RPS29: variants seen among roughly 807,000 people sequenced by gnomAD.
The protein encoded by RPS29 is small ribosomal subunit protein uS14.
For missense variants in RPS29, 60 were observed against 75.7 expected (o/e 0.79, Z 0.77); for synonymous variants, 37 against 26.9 (o/e 1.37, Z -1.16).
At chr14:49,598,167 G>A (rs1029612079) in intron 1 of RPS29, 4 of 513,216 alleles carry the variant, frequency 7.8e-6, no homozygotes, top group Non-Finnish European at 1.4e-5. Flanking sequence ...ATACGGCTAG[G>A]ATTAGGTTAA....
chr14:49,584,486 A>G (rs191805800), intron 2 of RPS29, among the ~76,000 whole-genome samples: 1 of 152,214 alleles, frequency 6.6e-6, no homozygotes, highest in Non-Finnish European at 1.5e-5. Flanking sequence ...TACAACAGAC[A>G]GGGCGCCGTG....
At chr14:49,579,634 T>C (rs745549902), downstream of RPS29, among the ~76,000 whole-genome samples, 1 of 152,238 alleles carries the variant, frequency 6.6e-6, no homozygotes, top group Non-Finnish European at 1.5e-5. Context: ...TCAACACTTA[T>C]TGAGCTTTTA....
At chr14:49,583,707 A>G (rs1566480229) in intron 2 of RPS29, 32 bp from the exon 3 acceptor site, 1 of 1,254,180 alleles carries the variant, frequency 8.0e-7, no homozygotes, top group Non-Finnish European at 1.2e-6. Context: ...ATTTATTTCA[A>G]AATGCTTTAA....
At chr14:49,592,207 T>C (rs1881727663) in intron 1 of RPS29, 1 of 151,994 alleles carries the variant, frequency 6.6e-6, no homozygotes, top group Admixed American at 6.6e-5. Context: ...TATTTTTCCA[T>C]GCAAAAAGTT....
intron 2 of RPS29, among the ~76,000 whole-genome samples, chr14:49,584,107 GAGT>G (rs1881432469): frequency 6.6e-6 from 1 of 152,144 alleles, no homozygotes; most frequent in Non-Finnish European, 1.5e-5. Flanking sequence ...TCAACCTCCT[GAGT>G]AGCTGAGACC....
downstream of RPS29, among the ~76,000 whole-genome samples, chr14:49,579,899 G>C (rs1881288559): frequency 6.6e-6 from 1 of 152,144 alleles, no homozygotes; most frequent in African/African-American, 2.4e-5. Flanking sequence ...GGGAGACCTT[G>C]GGGAAATTAC....
intron 2 of RPS29, among the ~76,000 whole-genome samples, chr14:49,578,167 T>C (rs1594567346): frequency 6.6e-6 from 1 of 152,016 alleles, no homozygotes; most frequent in Admixed American, 6.6e-5. Context: ...ACAGAATTAA[T>C]ATCAATGAGT....
upstream of RPS29, chr14:49,586,436 G>C: frequency 8.6e-7 from 1 of 1,158,014 alleles, no homozygotes; most frequent in South Asian, 1.2e-5. Flanking sequence ...CCAGAATGCA[G>C]TGCTCAAAGG....
chr14:49,585,877 G>C, intron 2 of RPS29, 73 bp downstream of exon 2: 1 of 1,160,192 alleles, frequency 8.6e-7, no homozygotes. Flanking sequence ...CTGTCCGTTT[G>C]TCTTTCGCGG....
chr14:49,583,478 C>T (rs1241400707), downstream of RPS29: 46 of 536,860 alleles, frequency 8.6e-5, no homozygotes, highest in Non-Finnish European at 3.2e-5. Context: ...TGCACTCCAG[C>T]CTGGCGACAG....
At chr14:49,591,414 C>T (rs749181501) in intron 1 of RPS29, among the ~76,000 whole-genome samples, 3 of 151,886 alleles carry the variant, frequency 2.0e-5, no homozygotes, top group Admixed American at 6.6e-5. Context: ...CCGGCTCAAG[C>T]GATTCTCCTG....
chr14:49,576,521 C>G (rs1222908649), exon 3 of RPS29: 1 of 152,162 alleles, frequency 6.6e-6, no homozygotes, highest in Admixed American at 6.6e-5. Context: ...CCCTAATACA[C>G]CAATTACCAT....
At chr14:49,585,583 TAAAA>T (rs71441227) in intron 2 of RPS29, 4 of 286,766 alleles carry the variant, frequency 1.4e-5, no homozygotes, top group East Asian at 5.6e-5. Context: ...ACCCTATCTC[TAAAA>T]AAAAAAAAAA....
chr14:49,596,327 C>T (rs1268230336), intron 1 of RPS29, among the ~76,000 whole-genome samples: 1 of 152,034 alleles, frequency 6.6e-6, no homozygotes, highest in Non-Finnish European at 1.5e-5. Context: ...TTTTTAACTC[C>T]TTATGTATTT....
chr14:49,581,550 C>T (rs1881333933), downstream of RPS29, among the ~76,000 whole-genome samples: 1 of 152,186 alleles, frequency 6.6e-6, no homozygotes. Flanking sequence ...AGTGCAGTGG[C>T]ACAAGCCTCC....
intron 2 of RPS29, among the ~76,000 whole-genome samples, chr14:49,584,850 G>A (rs1881467066): frequency 2.6e-5 from 4 of 151,266 alleles, no homozygotes; most frequent in Admixed American, 2.6e-4. Flanking sequence ...TTATCTCAAA[G>A]AGCCAATAAT....
rs749973930 is a variant in RPS29, at chr14:49,586,366, C to T, written c.-20G>A. 2 of 1,612,596 alleles carry T rather than the reference C, an allele frequency of 1.2e-6. No homozygotes were observed. The highest frequency in any genetic ancestry group is 2.2e-5 in the East Asian group (1 of 44,896). Reference sequence around the variant, plus strand: ...ACCCATCTTGCTCTCAGCAGTGCAACGAGGTAAAAGGAAGAAGCTGGCCCA... The same window carrying T: ...ACCCATCTTGCTCTCAGCAGTGCAATGAGGTAAAAGGAAGAAGCTGGCCCA... On this transcript the variant is annotated 5_prime_UTR_variant, in exon 1 of 3. Transcript: ENST00000245458.
At chr14:49,592,047 C>T (rs990008308) in intron 1 of RPS29, among the ~76,000 whole-genome samples, 6 of 152,144 alleles carry the variant, frequency 3.9e-5, no homozygotes, top group African/African-American at 1.4e-4. Context: ...GTCCACAGCC[C>T]AATTTTTTTA....
chr14:49,591,282 GT>G (rs1394280535), upstream of RPS29, among the ~76,000 whole-genome samples: 15 of 109,608 alleles, frequency 1.4e-4, no homozygotes, highest in African/African-American at 4.4e-4. Context: ...GTTTTTAGAG[GT>G]TTTCTGTTTG....
Sources: allele counts gnomAD v4.1 joint callset (sites outside exome capture counted in the v4.1 genomes callset), GRCh38; gene constraint gnomAD v4.1.1; transcripts MANE v1.5; gene names NCBI Gene and HGNC (gene_info 2026-07-23, HGNC 2026-07-21).